Variants in PMEPA1 observed in about 807,000 individuals in gnomAD.
The protein encoded by PMEPA1 is prostate transmembrane protein, androgen induced 1.
A neutral mutation model predicts 23.0 loss-of-function variants in PMEPA1; 11 were observed. That is an observed-to-expected ratio of 0.48 (90% CI 0.30 to 0.79). PMEPA1 has a LOEUF of 0.79. PMEPA1 is among the 30% of genes least tolerant of loss of function. The pLI is 0.06. For synonymous variants in PMEPA1, 204 were observed against 166.4 expected (o/e 1.23, Z -1.74); for missense variants, 377 against 390.9 (o/e 0.96, Z 0.30).
At chr20:57,688,019 C>T (rs2071824152) in intron 1 of PMEPA1, among the ~76,000 whole-genome samples, 1 of 152,198 alleles carries the variant, frequency 6.6e-6, no homozygotes, top group Non-Finnish European at 1.5e-5. Flanking sequence ...TCACTGTGAG[C>T]ACCATAAGGT....
chr20:57,659,662 C>T lies in PMEPA1; in HGVS notation c.145G>A (p.Val49Met), dbSNP rs1444883900. 2.5e-6 allele frequency: 4 copies of T among 1,601,342 alleles called. No homozygotes were observed. The East Asian group carries it at 9.1e-5, about 36-fold the overall frequency. ...ACCACCACCATCACCATCATCACCA[C>T]CACGATGATGATGATCTGAACAAAC... ...LEFVQIIIIV[V>M]VMMVMVVVIT... is the part of the protein sequence containing the mutation. Residue 49 changes from valine (V) to methionine (M), a missense_variant, in exon 2 of 4, where the codon GTG becomes ATG. Physicochemically the swap from Val to Met is conservative, Grantham distance 21 (BLOSUM62 1). Coordinates refer to ENST00000341744, the MANE Select transcript of PMEPA1 (RefSeq NM_020182.5).
At chr20:57,662,397 C>G (rs2071434113) in intron 1 of PMEPA1, among the ~76,000 whole-genome samples, 1 of 152,038 alleles carries the variant, frequency 6.6e-6, no homozygotes, top group African/African-American at 2.4e-5. Flanking sequence ...AGTCCAAGAC[C>G]CTAGAGCTGG....
At chr20:57,679,923 G>A (rs1286171721) in intron 1 of PMEPA1, among the ~76,000 whole-genome samples, 1 of 152,224 alleles carries the variant, frequency 6.6e-6, no homozygotes, top group African/African-American at 2.4e-5. Context: ...GAGACACAGA[G>A]CAACCGTGCA....
intron 1 of PMEPA1, among the ~76,000 whole-genome samples, chr20:57,674,203 G>T (rs2071606086): frequency 6.6e-6 from 1 of 152,176 alleles, no homozygotes; most frequent in Non-Finnish European, 1.5e-5. Context: ...CATAAAGGTG[G>T]GGGCCTGATC....
intron 1 of PMEPA1, among the ~76,000 whole-genome samples, chr20:57,680,238 T>C (rs1392542811): frequency 6.6e-6 from 1 of 152,186 alleles, no homozygotes; most frequent in African/African-American, 2.4e-5. Flanking sequence ...CATTCAAAGC[T>C]CCCAAGGAGC....
At chr20:57,690,179 C>A (rs1222851231) in intron 1 of PMEPA1, among the ~76,000 whole-genome samples, 3 of 152,246 alleles carry the variant, frequency 2.0e-5, no homozygotes, top group Non-Finnish European at 2.9e-5. Flanking sequence ...CCCTCCCTGC[C>A]TCTGCCAGCT....
intron 1 of PMEPA1, among the ~76,000 whole-genome samples, chr20:57,668,237 G>A (rs1041713914): frequency 6.6e-6 from 1 of 152,162 alleles, no homozygotes; most frequent in Non-Finnish European, 1.5e-5. Context: ...GGCCTGCGCT[G>A]GCTCCCTGCC....
At position 57,709,842 on chromosome 20, in the gene PMEPA1, A is replaced by C. The variant is rs2072146295; in HGVS notation, c.-260T>G. The C allele has an allele frequency of 2.0e-6, 2 of 984,514 alleles. No individual in the cohort carries two copies. The highest frequency in any genetic ancestry group is 1.2e-4 in the East Asian group (1 of 8,604). 61.0% of individuals were successfully genotyped at this position (984,514 alleles called of 1,614,324 possible). On this transcript the variant is annotated 5_prime_UTR_variant, in exon 1 of 4. Coordinates refer to ENST00000341744, the MANE Select transcript of PMEPA1 (RefSeq NM_020182.5). ...GCAGTGCCCGCGGGTGGCGTCCGGA[A>C]AATGGGCTGGCAGCGGGGCGCGCGC... is the stretch of plus-strand genomic sequence containing the variant.
At chr20:57,710,371 C>T (rs1478687378), upstream of PMEPA1, 2 of 1,381,530 alleles carry the variant, frequency 1.4e-6, no homozygotes, top group Non-Finnish European at 2.0e-6. Context: ...GCTCTTGGGG[C>T]TAGCCTATCT....
At chr20:57,695,644 C>T (rs1246838290) in intron 1 of PMEPA1, among the ~76,000 whole-genome samples, 1 of 152,220 alleles carries the variant, frequency 6.6e-6, no homozygotes, top group Non-Finnish European at 1.5e-5. Context: ...ACTAGAATTA[C>T]AGGTGTGAGC....
At position 57,700,067 on chromosome 20, in the gene PMEPA1, T is replaced by C. The variant is rs758110966; in HGVS notation, c.109+9407A>G. 90 of 471,114 alleles carry C rather than the reference T, an allele frequency of 1.9e-4. 1 individual carries two copies. The highest frequency in any genetic ancestry group is 1.2e-3 in the South Asian group (79 of 64,576). 29.2% of individuals were successfully genotyped at this position (471,114 alleles called of 1,614,324 possible). ...TCAGGCAAATTCATGGCTGGATTTG[T>C]CACTTTCATGCTCCCAAAGCCAGTG... On this transcript the variant is annotated intron_variant, in intron 1 of 3. Transcript: ENST00000341744.
rs2071234837 is a variant in PMEPA1 at position 57,651,848 on chromosome 20, TTTTTTC to T, written c.*199_*204del. On this transcript the variant is annotated 3_prime_UTR_variant, in exon 4 of 4. Coordinates refer to ENST00000341744, the MANE Select transcript of PMEPA1 (RefSeq NM_020182.5). ...CAAAGAAACGTGGTTTTTTTTTTTC[TTTTTTC>T]TTTTTTTTTTTGCAAGCTCTCTTAG... 1 of 370,386 alleles carries T rather than the reference TTTTTTC, an allele frequency of 2.7e-6. No homozygotes were observed. Among genetic ancestry groups the T allele is most frequent in the Admixed American group, 4.7e-5 (1 of 21,430 alleles). 22.9% of individuals were successfully genotyped at this position (370,386 alleles called of 1,614,324 possible). A position where few individuals can be genotyped will look rare whatever the true frequency, so the allele number is the denominator to read the frequency against.
intron 1 of PMEPA1, among the ~76,000 whole-genome samples, chr20:57,707,644 GC>G (rs1568690725): frequency 1.4e-5 from 2 of 147,114 alleles, no homozygotes; most frequent in Non-Finnish European, 1.5e-5. Flanking sequence ...TAAGAACAAT[GC>G]TTTTTTTTTT....
intron 1 of PMEPA1, among the ~76,000 whole-genome samples, chr20:57,663,025 C>T (rs754835621): frequency 6.6e-6 from 1 of 152,212 alleles, no homozygotes; most frequent in African/African-American, 2.4e-5. Context: ...GGGGATCTGA[C>T]TTTTGGACGT....
At chr20:57,708,069 C>T (rs998477521) in intron 1 of PMEPA1, among the ~76,000 whole-genome samples, 6 of 152,046 alleles carry the variant, frequency 3.9e-5, no homozygotes, top group African/African-American at 1.4e-4. Context: ...GATGGAAGGA[C>T]CCACCACCAA....
At chr20:57,688,053 C>G (rs993601356) in intron 1 of PMEPA1, among the ~76,000 whole-genome samples, 6 of 152,212 alleles carry the variant, frequency 3.9e-5, no homozygotes, top group Non-Finnish European at 7.3e-5. Context: ...TCAGGCCTCT[C>G]TGCTACCTCT....
chr20:57,703,215 C>A (rs749679629), intron 1 of PMEPA1, among the ~76,000 whole-genome samples: 1 of 152,214 alleles, frequency 6.6e-6, no homozygotes, highest in East Asian at 1.9e-4. Flanking sequence ...AACTGAAGAC[C>A]GGCCCCTCCC....
Position 57,659,540 on chromosome 20 carries a change from T to A in PMEPA1, c.264+3A>T, listed in dbSNP as rs2071379282. 6.2e-7 allele frequency: 1 copy of A among 1,613,432 alleles called. No homozygotes were observed. The highest frequency in any genetic ancestry group is 8.5e-7 in the Non-Finnish European group (1 of 1,179,634). The stretch of plus-strand genomic sequence containing the variant: ...GCCACAGATGGGATGGCGGGGCACT[T>A]ACTGAGGACAGGGCATCTTCTCTCC... On this transcript the variant is annotated splice_donor_region_variant and intron_variant, in intron 2 of 3. Transcript: ENST00000341744.
At chr20:57,699,016 A>G (rs1256873377) in intron 1 of PMEPA1, among the ~76,000 whole-genome samples, 4 of 152,230 alleles carry the variant, frequency 2.6e-5, no homozygotes, top group Non-Finnish European at 5.9e-5. Context: ...TACCTGCTGT[A>G]TAACTCAGGG....
Sources: allele counts gnomAD v4.1 joint callset (sites outside exome capture counted in the v4.1 genomes callset), GRCh38; gene constraint gnomAD v4.1.1; transcripts MANE v1.5; gene names NCBI Gene and HGNC (gene_info 2026-07-23, HGNC 2026-07-21).